Variants in TIAM2 observed in about 807,000 individuals in gnomAD.
TIAM2 encodes the protein rho guanine nucleotide exchange factor TIAM2.
In TIAM2, 80 loss-of-function variants were observed where a neutral mutation model predicts 152.9. The observed-to-expected ratio is 0.52, with a 90% CI of 0.44 to 0.63. The LOEUF is 0.63. Among genes scored for constraint, TIAM2 ranks in the 30% least tolerant of loss-of-function variants. The pLI is 0.00. For synonymous variants in TIAM2, 804 were observed against 838.0 expected (o/e 0.96, Z 0.70); for missense variants, 1,965 against 2,120.1 (o/e 0.93, Z 1.44).
chr6:155,193,175 TG>T (rs1390835511), intron 14 of TIAM2, among the ~76,000 whole-genome samples: 1 of 151,726 alleles, frequency 6.6e-6, no homozygotes, highest in Admixed American at 6.6e-5. Flanking sequence ...GAGGCCGAGG[TG>T]GGAGGATGGC....
At chr6:155,146,818 T>C (rs2352148) in intron 6 of TIAM2, among the ~76,000 whole-genome samples, 96,539 of 148,794 alleles carry the variant, frequency 0.65, 31,585 homozygotes, top group Admixed American at 0.76. Context: ...TGTGTTTCAC[T>C]ATGTTGGCCA....
At chr6:155,028,715 A>G (rs1183439588) in intron 1 of TIAM2, among the ~76,000 whole-genome samples, 1 of 129,714 alleles carries the variant, frequency 7.7e-6, no homozygotes, top group Non-Finnish European at 1.5e-5. Flanking sequence ...TTATATATAT[A>G]CTACATATAA....
chr6:155,042,469 G>C (rs1777069486), intron 1 of TIAM2, among the ~76,000 whole-genome samples: 1 of 152,156 alleles, frequency 6.6e-6, no homozygotes, highest in Admixed American at 6.5e-5. Flanking sequence ...GGTGGGACCT[G>C]TAGTCCCAGC....
At chr6:155,195,275 G>A (rs1372221185) in intron 14 of TIAM2, among the ~76,000 whole-genome samples, 1 of 152,198 alleles carries the variant, frequency 6.6e-6, no homozygotes, top group Non-Finnish European at 1.5e-5. Flanking sequence ...GGTGGAAAAT[G>A]AACTTCTATA....
intron 14 of TIAM2, among the ~76,000 whole-genome samples, chr6:155,209,688 G>T (rs774643859): frequency 2.0e-5 from 3 of 152,178 alleles, no homozygotes; most frequent in Non-Finnish European, 4.4e-5. Flanking sequence ...TTATCTGTCT[G>T]GTCCTTACCT....
At chr6:155,022,044 C>G (rs1207792721) in intron 1 of TIAM2, among the ~76,000 whole-genome samples, 2 of 152,300 alleles carry the variant, frequency 1.3e-5, no homozygotes, top group East Asian at 3.9e-4. Context: ...CAGCTTCGTA[C>G]TTGGTGTTAA....
At chr6:155,187,657 G>A (rs112925342) in intron 14 of TIAM2, among the ~76,000 whole-genome samples, 3,770 of 134,550 alleles carry the variant, frequency 0.028, 155 homozygotes, top group African/African-American at 0.099. Context: ...TTGGCTCACC[G>A]CAACCTCCAC....
Position 155,009,926 on chromosome 6 carries a change from C to G in TIAM2, c.-209+14434C>G, listed in dbSNP as rs149516263. Among the ~76,000 whole-genome samples the G allele has an allele frequency of 7.9e-4, 120 of 152,128 alleles. 1 individual carries two copies. The East Asian group carries it at 0.02, about 26-fold the overall frequency. On this transcript the variant is annotated intron_variant, in intron 1 of 26. Coordinates refer to ENST00000682666, the MANE Select transcript of TIAM2 (RefSeq NM_012454.4). ...GGAATGCAGTGGTGCAATCTCGGCTCACTGCAACCTCCACCTCCTGGGTTC... is the reference window on the plus strand; with the variant it reads ...GGAATGCAGTGGTGCAATCTCGGCTGACTGCAACCTCCACCTCCTGGGTTC...
At chr6:155,020,344 C>T (rs555567879) in intron 1 of TIAM2, among the ~76,000 whole-genome samples, 1 of 152,136 alleles carries the variant, frequency 6.6e-6, no homozygotes. Flanking sequence ...AGATTTTTTT[C>T]CCCAAAACTA....
chr6:155,188,221 C>T (rs547033301), intron 14 of TIAM2, among the ~76,000 whole-genome samples: 4 of 152,280 alleles, frequency 2.6e-5, no homozygotes, highest in South Asian at 2.1e-4. Flanking sequence ...TAGCTCACCT[C>T]GTTTATTGCT....
chr6:155,157,392 C>T (rs543205860), intron 7 of TIAM2, among the ~76,000 whole-genome samples: 37 of 152,074 alleles, frequency 2.4e-4, no homozygotes, highest in Middle Eastern at 3.4e-3. Context: ...AGATATAGCA[C>T]CCGTTTGTTG....
At chr6:155,238,814 CTT>C (rs1381238021) in intron 15 of TIAM2, among the ~76,000 whole-genome samples, 4 of 152,352 alleles carry the variant, frequency 2.6e-5, no homozygotes, top group Non-Finnish European at 5.9e-5. Context: ...AGTCTTACCT[CTT>C]TGTGTAGGAA....
chr6:154,997,087 C>G lies in TIAM2; in HGVS notation c.-209+1595C>G, dbSNP rs553186574. 8.5e-5 allele frequency among the ~76,000 whole-genome samples: 13 copies of G among 152,148 alleles called. No homozygotes were observed. The East Asian group carries it at 1.7e-3, about 20-fold the overall frequency. ...TTCCCCAGGCCTCCTGGCTCTCCCC[C>G]GCTTGCACACTGCCTGCTCTAGACA... On this transcript the variant is annotated intron_variant, in intron 1 of 26. Transcript: ENST00000682666.
intron 1 of TIAM2, among the ~76,000 whole-genome samples, chr6:155,012,676 G>A (rs376666332): frequency 4.4e-4 from 67 of 152,148 alleles, no homozygotes; most frequent in South Asian, 2.5e-3. Flanking sequence ...TCAGCCTCCC[G>A]AGTAGCTGGG....
At chr6:155,028,606 T>TAC (rs1230161268) in intron 1 of TIAM2, among the ~76,000 whole-genome samples, 64 of 106,038 alleles carry the variant, frequency 6.0e-4, no homozygotes, top group Middle Eastern at 0.016. Context: ...TATACTGTGT[T>TAC]ATATATACTA....
intron 2 of TIAM2, among the ~76,000 whole-genome samples, chr6:155,092,176 G>A (rs952528821): frequency 8.9e-5 from 13 of 145,266 alleles, no homozygotes; most frequent in African/African-American, 3.4e-4. Flanking sequence ...TGGGATTACA[G>A]GCGTAATCCC....
intron 2 of TIAM2, among the ~76,000 whole-genome samples, chr6:155,116,823 G>T (rs1002404381): frequency 3.2e-4 from 49 of 152,222 alleles, no homozygotes; most frequent in African/African-American, 9.9e-4. Context: ...AAAAACGGAG[G>T]TTATTTAAAA....
chr6:155,115,664 A>G (rs1778990278), intron 2 of TIAM2, among the ~76,000 whole-genome samples: 1 of 152,260 alleles, frequency 6.6e-6, no homozygotes, highest in Middle Eastern at 3.4e-3. Flanking sequence ...AAGTTGATCA[A>G]TCAATCGATG....
chr6:155,192,641 A>G (rs755872382), intron 14 of TIAM2, among the ~76,000 whole-genome samples: 2 of 51,544 alleles, frequency 3.9e-5, no homozygotes, highest in Non-Finnish European at 8.0e-5. Context: ...CCTCAAACCA[A>G]AAAAAAAAAA....
Sources: allele counts gnomAD v4.1 joint callset (sites outside exome capture counted in the v4.1 genomes callset), GRCh38; gene constraint gnomAD v4.1.1; transcripts MANE v1.5; gene names NCBI Gene and HGNC (gene_info 2026-07-23, HGNC 2026-07-21).